The following LIFR variants were observed in gnomAD, a reference collection of about 807,000 sequenced individuals.
LIFR encodes LIF receptor subunit alpha.
LIFR carries 84 observed loss-of-function variants against 122.2 expected under a neutral mutation model. That is an observed-to-expected ratio of 0.69 (90% CI 0.58 to 0.82). The LOEUF is 0.82. Among genes scored for constraint, LIFR ranks in the 40% least tolerant of loss-of-function variants. The pLI is 0.00. For missense variants in LIFR, 1,294 were observed against 1,311.6 expected (o/e 0.99, Z 0.21); for synonymous variants, 422 against 434.7 (o/e 0.97, Z 0.36).
intron 1 of LIFR, among the ~76,000 whole-genome samples, chr5:38,537,283 T>C: frequency 6.6e-6 from 1 of 152,104 alleles, no homozygotes; most frequent in East Asian, 1.9e-4. Context: ...ACACTCCACA[T>C]TCCCTTTGGT....
intron 1 of LIFR, among the ~76,000 whole-genome samples, chr5:38,577,493 A>C (rs1325694812): frequency 6.6e-6 from 1 of 152,028 alleles, no homozygotes; most frequent in African/African-American, 2.4e-5. Flanking sequence ...TTGCCTGCCT[A>C]GTCTTCCTCC....
Sources: gnomAD v4.1 joint callset for allele counts (sites outside exome capture counted in the v4.1 genomes callset) on GRCh38, gnomAD v4.1.1 for gene constraint, MANE v1.5 for transcripts, NCBI Gene and HGNC (gene_info 2026-07-23, HGNC 2026-07-21) for gene names.